Variants in DIS3L2 observed in about 807,000 individuals in gnomAD.
The protein encoded by DIS3L2 is DIS3-like exonuclease 2.
In DIS3L2, 34 loss-of-function variants were observed where a neutral mutation model predicts 97.5. The observed-to-expected ratio is 0.35, with a 90% CI of 0.27 to 0.46. The LOEUF is 0.46. Among genes scored for constraint, DIS3L2 ranks in the 20% least tolerant of loss-of-function variants. The probability of loss-of-function intolerance (pLI) is 1.00; values close to 1 mark genes in which losing one functional copy is unlikely to be tolerated. For missense variants in DIS3L2, 1,038 were observed against 1,146.0 expected (o/e 0.91, Z 1.36); for synonymous variants, 435 against 445.2 (o/e 0.98, Z 0.29).
chr2:232,319,692 A>G (rs1695372780), intron 14 of DIS3L2, among the ~76,000 whole-genome samples: 1 of 152,232 alleles, frequency 6.6e-6, no homozygotes, highest in Non-Finnish European at 1.5e-5. Context: ...ATTGCTAGTC[A>G]GCATCCCAGG....
rs1410349492 is a variant in DIS3L2 at position 232,214,929 on chromosome 2, T to TA, written c.1204+4525dup. ...CTAACATGTACTCTGCTGTTGAACT[T>TA]ACAGGGTTACCCTAGCCCGGCCTTA... On this transcript the variant is annotated intron_variant, in intron 10 of 20. Transcript: ENST00000325385. Among the ~76,000 whole-genome samples the TA allele has an allele frequency of 2.0e-5, 3 of 152,220 alleles. No homozygotes were observed. The East Asian group carries it at 5.8e-4, about 29-fold the overall frequency.
chr2:232,261,094 A>G (rs1012701949), intron 12 of DIS3L2, among the ~76,000 whole-genome samples: 2 of 152,120 alleles, frequency 1.3e-5, no homozygotes, highest in African/African-American at 4.8e-5. Context: ...CAGGCCCTCA[A>G]ACTCCACCTA....
chr2:232,337,881 C>A (rs1473501981), downstream of DIS3L2, among the ~76,000 whole-genome samples: 1 of 151,444 alleles, frequency 6.6e-6, no homozygotes, highest in East Asian at 1.9e-4. Context: ...CCAAAGACAT[C>A]CCGCACCTGC....
intron 6 of DIS3L2, among the ~76,000 whole-genome samples, chr2:232,100,251 G>A (rs1697157527): frequency 6.8e-6 from 1 of 147,566 alleles, no homozygotes; most frequent in African/African-American, 2.5e-5. Flanking sequence ...TGGCCAGGCT[G>A]GTCTCGAACT....
At chr2:232,207,889 T>C (rs1398939520) in intron 9 of DIS3L2, among the ~76,000 whole-genome samples, 8 of 152,312 alleles carry the variant, frequency 5.3e-5, no homozygotes, top group Non-Finnish European at 1.0e-4. Flanking sequence ...TTAAGGAAGA[T>C]TCTCTATAGT....
At chr2:231,997,694 A>G (rs1693767921) in intron 1 of DIS3L2, among the ~76,000 whole-genome samples, 1 of 152,250 alleles carries the variant, frequency 6.6e-6, no homozygotes, top group African/African-American at 2.4e-5. Context: ...AAAAGAGACG[A>G]GAGAATGGTA....
At chr2:231,995,465 G>A (rs1693707248) in intron 1 of DIS3L2, among the ~76,000 whole-genome samples, 1 of 152,114 alleles carries the variant, frequency 6.6e-6, no homozygotes, top group Non-Finnish European at 1.5e-5. Context: ...ACCAGCTGGT[G>A]TATTTTTTCT....
intron 11 of DIS3L2, among the ~76,000 whole-genome samples, chr2:232,241,276 T>A (rs1258073605): frequency 6.6e-6 from 1 of 152,266 alleles, no homozygotes; most frequent in African/African-American, 2.4e-5. Context: ...GCCCTCCAGA[T>A]TCTCTGCTTT....
At chr2:232,025,493 T>C (rs1462726684) in intron 4 of DIS3L2, among the ~76,000 whole-genome samples, 1 of 152,140 alleles carries the variant, frequency 6.6e-6, no homozygotes, top group African/African-American at 2.4e-5. Context: ...TCTTACCCAT[T>C]GAATTAGATA....
chr2:232,291,506 C>T lies in DIS3L2; in HGVS notation c.1660-8534C>T, dbSNP rs557035544. Among the ~76,000 whole-genome samples, 8 of 152,340 alleles carry T rather than the reference C, an allele frequency of 5.3e-5. No homozygotes were observed. The South Asian group carries it at 8.3e-4, about 16-fold the overall frequency. Reference sequence around the variant, plus strand: ...GTGGACTATGAGGGGAAGAGTCAACCGTGGAGAGGCTGGAGGCTTCCCAGG... The same window carrying T: ...GTGGACTATGAGGGGAAGAGTCAACTGTGGAGAGGCTGGAGGCTTCCCAGG... On this transcript the variant is annotated intron_variant, in intron 13 of 20. Transcript: ENST00000325385.
intron 1 of DIS3L2, among the ~76,000 whole-genome samples, chr2:232,003,279 C>T (rs1693958576): frequency 6.6e-6 from 1 of 152,106 alleles, no homozygotes; most frequent in African/African-American, 2.4e-5. Flanking sequence ...TTTTTTTGTG[C>T]TGAGTCTTCT....
chr2:232,103,121 G>C (rs967734253), intron 6 of DIS3L2, among the ~76,000 whole-genome samples: 2 of 152,120 alleles, frequency 1.3e-5, no homozygotes, highest in African/African-American at 4.8e-5. Flanking sequence ...TTTTGTAAAA[G>C]TGAAACGTTC....
intron 14 of DIS3L2, among the ~76,000 whole-genome samples, chr2:232,324,133 A>G (rs909933678): frequency 3.3e-5 from 5 of 152,184 alleles, no homozygotes; most frequent in East Asian, 1.9e-4. Flanking sequence ...TGGGTTGCCC[A>G]GCCATGGAGA....
intron 6 of DIS3L2, among the ~76,000 whole-genome samples, chr2:232,106,516 TAC>T (rs1697361548): frequency 6.6e-6 from 1 of 152,130 alleles, no homozygotes; most frequent in African/African-American, 2.4e-5. Context: ...AGAGTTGCAT[TAC>T]ATAATGGTAA....
chr2:232,180,023 T>C (rs1200665159), intron 9 of DIS3L2, among the ~76,000 whole-genome samples: 1 of 116,008 alleles, frequency 8.6e-6, no homozygotes, highest in African/African-American at 5.1e-5. Flanking sequence ...TTTGTTCTCG[T>C]TGGTTTCAAA....
chr2:232,272,456 G>A (rs1694033042), intron 13 of DIS3L2, among the ~76,000 whole-genome samples: 1 of 152,196 alleles, frequency 6.6e-6, no homozygotes, highest in Admixed American at 6.5e-5. Context: ...TGGGATTAGG[G>A]AAAGAAGGCC....
At chr2:232,064,604 T>A (rs914512698) in intron 5 of DIS3L2, among the ~76,000 whole-genome samples, 13 of 152,202 alleles carry the variant, frequency 8.5e-5, no homozygotes, top group Admixed American at 3.3e-4. Flanking sequence ...TTTATCTTTA[T>A]ACGAAATTAT....
intron 10 of DIS3L2, among the ~76,000 whole-genome samples, chr2:232,222,704 T>C (rs894577001): frequency 6.6e-6 from 1 of 152,206 alleles, no homozygotes; most frequent in African/African-American, 2.4e-5. Flanking sequence ...TGACCTCAGG[T>C]GATCCACCCG....
Position 232,223,371 on chromosome 2 carries a change from C to T in DIS3L2, c.1204+12966C>T, listed in dbSNP as rs956002214. Reference sequence around the variant, plus strand: ...AAATTTGGGCATTTCTGTGATTTCTCTGAAATTCTCTTTCCTCAGCTATAA... The same window carrying T: ...AAATTTGGGCATTTCTGTGATTTCTTTGAAATTCTCTTTCCTCAGCTATAA... On this transcript the variant is annotated intron_variant, in intron 10 of 20. Coordinates refer to ENST00000325385, the MANE Select transcript of DIS3L2 (RefSeq NM_152383.5). 3.3e-5 allele frequency among the ~76,000 whole-genome samples: 5 copies of T among 152,202 alleles called. No homozygotes were observed. In the South Asian group the frequency reaches 8.3e-4, roughly 25 times the overall value.
Sources: allele counts gnomAD v4.1 joint callset (sites outside exome capture counted in the v4.1 genomes callset), GRCh38; gene constraint gnomAD v4.1.1; transcripts MANE v1.5; gene names NCBI Gene and HGNC (gene_info 2026-07-23, HGNC 2026-07-21).